PDS5A: variants seen among roughly 807,000 people sequenced by gnomAD.
PDS5A encodes PDS5 cohesin associated factor A.
PDS5A carries 42 observed loss-of-function variants against 167.1 expected under a neutral mutation model. That is an observed-to-expected ratio of 0.25 (90% CI 0.20 to 0.33). PDS5A has a LOEUF of 0.33. Ranked by LOEUF, PDS5A falls within the 10% of genes least tolerant of loss-of-function variation. The pLI, the probability that PDS5A is intolerant of heterozygous loss-of-function variation, is 1.00. For synonymous variants in PDS5A, 553 were observed against 554.6 expected, an observed-to-expected ratio of 1.00 and a Z score of 0.04; for missense variants, 1,033 against 1,605.9, an observed-to-expected ratio of 0.64 and a Z score of 6.10.
At chr4:39,931,396 G>C (rs538235306) in intron 2 of PDS5A, among the ~76,000 whole-genome samples, 2 of 152,190 alleles carry the variant, frequency 1.3e-5, no homozygotes, top group South Asian at 2.1e-4. Context: ...TATCATATGT[G>C]GTTGAAGAAT....
chr4:39,912,062 G>A (rs1723943211), intron 9 of PDS5A, among the ~76,000 whole-genome samples: 1 of 152,056 alleles, frequency 6.6e-6, no homozygotes, highest in South Asian at 2.1e-4. Flanking sequence ...TTCTTACCCA[G>A]ATAAAATTTT....
chr4:39,887,543 T>G (rs1291384771), intron 17 of PDS5A, among the ~76,000 whole-genome samples: 1 of 152,148 alleles, frequency 6.6e-6, no homozygotes, highest in African/African-American at 2.4e-5. Flanking sequence ...TCTATGTTCA[T>G]CAGTGATAGA....
intron 16 of PDS5A, among the ~76,000 whole-genome samples, chr4:39,890,672 A>G (rs1034773612): frequency 3.3e-5 from 5 of 152,124 alleles, no homozygotes; most frequent in Admixed American, 6.5e-5. Flanking sequence ...GCTACAGTGC[A>G]GTGGCACGAT....
At chr4:39,842,937 A>ATATATATATATATATATT (rs1433177642) in intron 30 of PDS5A, among the ~76,000 whole-genome samples, 29 of 139,736 alleles carry the variant, frequency 2.1e-4, no homozygotes, top group African/African-American at 5.0e-4. Context: ...ATATATATAT[A>ATATATATATATATATATT]TTTTAAGAGA....
intron 2 of PDS5A, among the ~76,000 whole-genome samples, chr4:39,969,786 A>G (rs1044632400): frequency 2.0e-5 from 3 of 151,988 alleles, no homozygotes; most frequent in Non-Finnish European, 2.9e-5. Context: ...TTCACTTAAC[A>G]AGTATTTGTT....
intron 8 of PDS5A, among the ~76,000 whole-genome samples, chr4:39,915,367 T>TG (rs1724275237): frequency 8.5e-6 from 1 of 117,622 alleles, no homozygotes; most frequent in Non-Finnish European, 1.7e-5. Flanking sequence ...TTTTTTTTTT[T>TG]GGGTGAGACA....
chr4:39,922,540 A>G (rs536551536), intron 6 of PDS5A, 82 bp downstream of exon 6: 341 of 1,164,168 alleles, frequency 2.9e-4, no homozygotes, highest in Middle Eastern at 1.3e-3. Context: ...TGGGATTGCA[A>G]ATGGCCATAA....
intron 2 of PDS5A, among the ~76,000 whole-genome samples, chr4:39,930,274 T>TTTC (rs1725939033): frequency 7.0e-6 from 1 of 143,562 alleles, no homozygotes; most frequent in Admixed American, 7.0e-5. Flanking sequence ...TTTTTTTTTT[T>TTTC]AAGAGACAGG....
chr4:39,967,896 C>G (rs1306357503), intron 2 of PDS5A, among the ~76,000 whole-genome samples: 1 of 151,964 alleles, frequency 6.6e-6, no homozygotes, highest in African/African-American at 2.4e-5. Context: ...AACCTGGCAA[C>G]AGACCGAGAG....
At chr4:39,914,626 AT>A (rs1219875710) in intron 8 of PDS5A, among the ~76,000 whole-genome samples, 1 of 152,196 alleles carries the variant, frequency 6.6e-6, no homozygotes. Flanking sequence ...TTCTAGTAAG[AT>A]TATATTTTCT....
At chr4:39,860,402 T>C (rs1017759847) in intron 26 of PDS5A, among the ~76,000 whole-genome samples, 28 of 151,686 alleles carry the variant, frequency 1.8e-4, no homozygotes, top group African/African-American at 6.5e-4. Context: ...GAGGCAAAGG[T>C]TACAGTGAGT....
At chr4:39,860,080 GA>G (rs1286155796) in intron 26 of PDS5A, among the ~76,000 whole-genome samples, 4 of 149,988 alleles carry the variant, frequency 2.7e-5, no homozygotes, top group African/African-American at 4.9e-5. Context: ...TAAAGAGAGA[GA>G]AAAAAAAAGG....
chr4:39,867,997 A>G (rs568381730), intron 22 of PDS5A, among the ~76,000 whole-genome samples: 1 of 152,318 alleles, frequency 6.6e-6, no homozygotes, highest in South Asian at 2.1e-4. Context: ...CCAAAAAATC[A>G]AAGTATTATT....
At chr4:39,871,340 A>G (rs893304550) in intron 21 of PDS5A, among the ~76,000 whole-genome samples, 2 of 152,358 alleles carry the variant, frequency 1.3e-5, no homozygotes, top group African/African-American at 4.8e-5. Flanking sequence ...AACAATCATC[A>G]TTTAAGAGGT....
rs139907664 is a variant in PDS5A, at chr4:39,964,103, A to G, written c.138+12337T>C. Among the ~76,000 whole-genome samples, 672 of 152,308 alleles carry G rather than the reference A, an allele frequency of 4.4e-3. 6 individuals carry two copies. Among genetic ancestry groups the G allele is most frequent in the African/African-American group, 0.016 (650 of 41,576 alleles). On this transcript the variant is annotated intron_variant, in intron 2 of 32. Coordinates refer to ENST00000303538, the MANE Select transcript of PDS5A (RefSeq NM_001100399.2). ...CTAACTAACAAACATGGTACTTCATATACTTTTCATGGGACAAAAAGAACC... is the reference window on the plus strand; with the variant it reads ...CTAACTAACAAACATGGTACTTCATGTACTTTTCATGGGACAAAAAGAACC...
chr4:39,947,099 A>T (rs1727844884), intron 2 of PDS5A, among the ~76,000 whole-genome samples: 1 of 152,176 alleles, frequency 6.6e-6, no homozygotes, highest in Admixed American at 6.6e-5. Flanking sequence ...AAAATTAATT[A>T]AAATATGTTT....
At chr4:39,834,546 GCTT>G (rs1716213419) in intron 32 of PDS5A, among the ~76,000 whole-genome samples, 1 of 151,974 alleles carries the variant, frequency 6.6e-6, no homozygotes, top group African/African-American at 2.4e-5. Flanking sequence ...ACTTCTTTTT[GCTT>G]CTTAATCTTA....
intron 32 of PDS5A, among the ~76,000 whole-genome samples, chr4:39,826,258 G>C (rs1253265135): frequency 1.3e-5 from 2 of 151,292 alleles, no homozygotes; most frequent in South Asian, 2.1e-4. Context: ...AGGAGAGTGG[G>C]ACATGGCCTC....
Position 39,863,344 on chromosome 4 carries a change from C to T in PDS5A, c.2758G>A (p.Val920Ile), listed in dbSNP as rs1303779262. 42 of 1,591,830 alleles carry T rather than the reference C, an allele frequency of 2.6e-5. No individual in the cohort carries two copies. The highest frequency in any genetic ancestry group is 3.5e-5 in the Non-Finnish European group (41 of 1,171,902). The change falls in exon 24 of 33, where the codon GTT (valine) becomes ATT (isoleucine). Residue 920 changes from valine to isoleucine, a missense_variant. Around this residue, in one of 4 missense-constraint regions of PDS5A, gnomAD observed 367 missense variants for 686.7 expected, o/e 0.53. Transcript: ENST00000303538. ...TPEQFQLCAL[V>I]INDECYQVRQ... ...ATAAGATTGTTACTTACATTAATAA[C>T]AAGTGCACAGAGCTGAAACTGTTCT...
Sources: allele counts gnomAD v4.1 joint callset (sites outside exome capture counted in the v4.1 genomes callset), GRCh38; gene constraint gnomAD v4.1.1; regional missense constraint gnomAD v4.1.1; transcripts MANE v1.5; gene names NCBI Gene and HGNC (gene_info 2026-07-23, HGNC 2026-07-21).